TMEM236: variants seen among roughly 807,000 people sequenced by gnomAD.
TMEM236 encodes family with sequence similarity 23, member A.
TMEM236 carries 11 observed loss-of-function variants against 14.7 expected under a neutral mutation model. The ratio of observed to expected loss-of-function variants is 0.75; its 90% CI spans 0.47 to 1.24. The LOEUF is 1.24. Among genes scored for constraint, TMEM236 ranks in the 50% most tolerant of loss-of-function variants. The probability of loss-of-function intolerance (pLI) is 0.00; values close to 1 mark genes in which losing one functional copy is unlikely to be tolerated. For missense variants in TMEM236, 464 were observed against 427.3 expected (o/e 1.09, Z -0.76); for synonymous variants, 182 against 168.6 (o/e 1.08, Z -0.62).
At chr10:17,758,897 A>C (rs960032377) in intron 1 of TMEM236, among the ~76,000 whole-genome samples, 2 of 152,164 alleles carry the variant, frequency 1.3e-5, no homozygotes, top group Admixed American at 6.6e-5. Context: ...TTTATGTCAT[A>C]TTTATGTTTT....
At chr10:17,753,038 G>A (rs1470128623) in intron 1 of TMEM236, among the ~76,000 whole-genome samples, 1 of 151,804 alleles carries the variant, frequency 6.6e-6, no homozygotes, top group East Asian at 1.9e-4. Context: ...TTATTTCACC[G>A]GCATGCACCA....
rs1838078185 is a variant in TMEM236 at position 17,800,492 on chromosome 10, G to A, written c.*3988G>A. 1 of 151,994 alleles carries A rather than the reference G, an allele frequency of 6.6e-6. No homozygotes were observed. The highest frequency in any genetic ancestry group is 2.4e-5 in the African/African-American group (1 of 41,388). The allele number at this position is 151,994 out of a possible 1,614,324, so 9.4% of individuals were successfully genotyped here. A position where few individuals can be genotyped will look rare whatever the true frequency, so the allele number is the denominator to read the frequency against. ...AAGTTAATGTTTGAAATTACAATGT[G>A]TAAATGTTATCTCGTCTTGTTTTTC... On this transcript the variant is annotated 3_prime_UTR_variant, in exon 4 of 4. Transcript: ENST00000377495.
At chr10:17,769,665 G>T (rs1468972740) in intron 1 of TMEM236, among the ~76,000 whole-genome samples, 1 of 152,134 alleles carries the variant, frequency 6.6e-6, no homozygotes, top group African/African-American at 2.4e-5. Context: ...GCTACCAGTT[G>T]AAAATTCCAT....
At chr10:17,787,908 C>T (rs1229124990) in intron 3 of TMEM236, among the ~76,000 whole-genome samples, 3 of 152,072 alleles carry the variant, frequency 2.0e-5, no homozygotes, top group Non-Finnish European at 4.4e-5. Context: ...ACTTAAAACT[C>T]CTGAGTATTT....
chr10:17,773,525 A>G (rs1192245131), intron 2 of TMEM236, among the ~76,000 whole-genome samples: 1 of 152,060 alleles, frequency 6.6e-6, no homozygotes, highest in East Asian at 1.9e-4. Context: ...TTTAGTACAG[A>G]CGGGGTTTCA....
At chr10:17,770,799 A>C (rs1803871373) in intron 1 of TMEM236, among the ~76,000 whole-genome samples, 1 of 152,228 alleles carries the variant, frequency 6.6e-6, no homozygotes, top group Non-Finnish European at 1.5e-5. Context: ...AGTTTGAAAA[A>C]TTATGTCATT....
chr10:17,777,812 C>T (rs986063449), intron 3 of TMEM236, among the ~76,000 whole-genome samples: 38 of 152,220 alleles, frequency 2.5e-4, no homozygotes, highest in Middle Eastern at 3.4e-3. Context: ...GACCTCTGCT[C>T]GCTGCAACCT....
chr10:17,796,153 A>G lies in TMEM236; in HGVS notation c.705A>G (p.Ala235=). Residue 235 remains alanine, a synonymous_variant, in exon 4 of 4, where the codon GCA becomes GCG. Transcript: ENST00000377495. ...TGATGTCCCGGCGAGATGTCCGGGC[A>G]GAGTTATTCTTATGGAGCTTTCTCC... ...LRMMSRRDVR[A]ELFLWSFLLW... 1 of 1,613,964 alleles carries G rather than the reference A, an allele frequency of 6.2e-7. No homozygotes were observed. Among genetic ancestry groups the G allele is most frequent in the South Asian group, 1.1e-5 (1 of 91,068 alleles).
At chr10:17,776,727 G>C (rs1837663767) in intron 3 of TMEM236, among the ~76,000 whole-genome samples, 1 of 152,112 alleles carries the variant, frequency 6.6e-6, no homozygotes, top group Non-Finnish European at 1.5e-5. Context: ...ATGAGCTCAG[G>C]AGTTTGAGAC....
rs907690750 is a variant in TMEM236 at position 17,779,750 on chromosome 10, G to T, written c.472+3580G>T. On this transcript the variant is annotated intron_variant, in intron 3 of 3. Transcript: ENST00000377495. ...AAACCAGACCCACAGTGGGTCTCCT[G>T]TGCCCTTATTTGTTGGTCCAGACCC... 3.1e-3 allele frequency among the ~76,000 whole-genome samples: 477 copies of T among 152,146 alleles called. 3 individuals carry two copies. Among genetic ancestry groups the T allele is most frequent in the Non-Finnish European group, 4.3e-3 (290 of 68,008 alleles).
chr10:17,757,522 C>T (rs1371024268), intron 1 of TMEM236, among the ~76,000 whole-genome samples: 1 of 151,362 alleles, frequency 6.6e-6, no homozygotes, highest in Non-Finnish European at 1.5e-5. Flanking sequence ...TCACTTGAGC[C>T]CTGGAGATCA....
intron 3 of TMEM236, among the ~76,000 whole-genome samples, chr10:17,787,308 G>A (rs1837853770): frequency 6.6e-6 from 1 of 152,220 alleles, no homozygotes; most frequent in Non-Finnish European, 1.5e-5. Context: ...TTAGTGTTGA[G>A]CTAAGTCCCC....
At chr10:17,790,759 A>C (rs1837912716) in intron 3 of TMEM236, among the ~76,000 whole-genome samples, 1 of 152,172 alleles carries the variant, frequency 6.6e-6, no homozygotes, top group Non-Finnish European at 1.5e-5. Flanking sequence ...ATTCATTTTT[A>C]GATTCCTCTA....
In TMEM236 at chr10:17,776,199, T is replaced by G. The variant is rs1332604653; in HGVS notation, c.472+29T>G. On this transcript the variant is annotated intron_variant, in intron 3 of 3. Coordinates refer to ENST00000377495, the MANE Select transcript of TMEM236 (RefSeq NM_001098844.3). Reference sequence around the variant, plus strand: ...AGTGTTCTTTTAAATGTGAATATTTTTTAAAGTTTGATATATTTTTCACAT... The same window carrying G: ...AGTGTTCTTTTAAATGTGAATATTTGTTAAAGTTTGATATATTTTTCACAT... 3 of 1,598,682 alleles carry G rather than the reference T, an allele frequency of 1.9e-6. No individual in the cohort carries two copies. The African/African-American group carries it at 4.0e-5, about 21-fold the overall frequency.
At position 17,783,285 on chromosome 10, in the gene TMEM236, G is replaced by A. The variant is rs1030376381; in HGVS notation, c.472+7115G>A. 2.2e-4 allele frequency among the ~76,000 whole-genome samples: 34 copies of A among 152,306 alleles called. No homozygotes were observed. The East Asian group carries it at 5.0e-3, about 22-fold the overall frequency. ...ACAGGCTGGGAATGTCGAGGGGCCC[G>A]TAATGGGATCGTATGTACTGTGCGG... is the stretch of plus-strand genomic sequence containing the variant. On this transcript the variant is annotated intron_variant, in intron 3 of 3. Transcript: ENST00000377495.
At chr10:17,788,159 A>G (rs1837868046) in intron 3 of TMEM236, among the ~76,000 whole-genome samples, 1 of 150,398 alleles carries the variant, frequency 6.6e-6, no homozygotes, top group South Asian at 2.1e-4. Flanking sequence ...TATATATTAG[A>G]TATTTTGAGT....
intron 3 of TMEM236, among the ~76,000 whole-genome samples, chr10:17,784,188 C>T (rs1193920547): frequency 2.0e-5 from 3 of 151,986 alleles, no homozygotes; most frequent in Admixed American, 1.3e-4. Flanking sequence ...ATTATTTTCC[C>T]GAAGCAGTTT....
At position 17,799,665 on chromosome 10, in the gene TMEM236, C is replaced by T. The variant is rs1838066718; in HGVS notation, c.*3161C>T. 1.3e-5 allele frequency: 2 copies of T among 152,542 alleles called. No individual in the cohort carries two copies. Among genetic ancestry groups the T allele is most frequent in the East Asian group, 3.8e-4 (2 of 5,198 alleles). 9.4% of individuals were successfully genotyped at this position (152,542 alleles called of 1,614,324 possible). A position where few individuals can be genotyped will look rare whatever the true frequency, so the allele number is the denominator to read the frequency against. On this transcript the variant is annotated 3_prime_UTR_variant, in exon 4 of 4. Transcript: ENST00000377495. Reference sequence around the variant, plus strand: ...TTTATTATTAAGAAAAGCCTGTCATCAAGGGATTCATTTATGATATTCCTA... The same window carrying T: ...TTTATTATTAAGAAAAGCCTGTCATTAAGGGATTCATTTATGATATTCCTA...
rs1837290996 is a variant in TMEM236 at position 17,756,786 on chromosome 10, T to G, written c.257+4234T>G. Among the ~76,000 whole-genome samples, 3 of 152,148 alleles carry G rather than the reference T, an allele frequency of 2.0e-5. No homozygotes were observed. In the South Asian group the frequency reaches 6.2e-4, roughly 32 times the overall value. On this transcript the variant is annotated intron_variant, in intron 1 of 3. Coordinates refer to ENST00000377495, the MANE Select transcript of TMEM236 (RefSeq NM_001098844.3). ...CAAACTGCCTCTTTGAAGGACAAGG[T>G]CCCATTCTCCTGGGGCAATTGAGAG...
Sources: allele counts gnomAD v4.1 joint callset (sites outside exome capture counted in the v4.1 genomes callset), GRCh38; gene constraint gnomAD v4.1.1; transcripts MANE v1.5; gene names NCBI Gene and HGNC (gene_info 2026-07-23, HGNC 2026-07-21).